UBE3D: variants seen among roughly 807,000 people sequenced by gnomAD.
The protein encoded by UBE3D is E3 ubiquitin-protein ligase E3D.
A neutral mutation model predicts 49.6 loss-of-function variants in UBE3D; 48 were observed. The observed-to-expected ratio is 0.97, with a 90% CI of 0.77 to 1.23. The LOEUF is 1.23. Among genes scored for constraint, UBE3D ranks in the 50% most tolerant of loss-of-function variants. UBE3D has a pLI of 0.00. For missense variants in UBE3D, 452 were observed against 468.4 expected, an observed-to-expected ratio of 0.96 and a Z score of 0.32; for synonymous variants, 189 against 174.2, an observed-to-expected ratio of 1.08 and a Z score of -0.67.
chr6:83,050,975 C>G (rs1474168606), intron 3 of UBE3D, among the ~76,000 whole-genome samples: 3 of 152,176 alleles, frequency 2.0e-5, no homozygotes, highest in Non-Finnish European at 4.4e-5. Flanking sequence ...GAATTCATTT[C>G]CTCGGCACCT....
chr6:82,984,539 C>T (rs1349368260), intron 8 of UBE3D, among the ~76,000 whole-genome samples: 1 of 152,116 alleles, frequency 6.6e-6, no homozygotes, highest in African/African-American at 2.4e-5. Flanking sequence ...CCATTTTTCA[C>T]AGCTTCACCA....
At chr6:82,981,854 T>C (rs1562148182) in intron 8 of UBE3D, among the ~76,000 whole-genome samples, 2 of 152,126 alleles carry the variant, frequency 1.3e-5, no homozygotes, top group Non-Finnish European at 2.9e-5. Flanking sequence ...AAAGTAGTAA[T>C]GTATATACAT....
chr6:82,983,155 G>GTTTTTTTT (rs5877831), intron 8 of UBE3D, among the ~76,000 whole-genome samples: 3 of 134,772 alleles, frequency 2.2e-5, no homozygotes, highest in Non-Finnish European at 3.2e-5. Flanking sequence ...CTGGCTGAAA[G>GTTTTTTTT]TTTTTTTTTT....
chr6:83,007,014 T>A (rs1020188648), intron 8 of UBE3D, among the ~76,000 whole-genome samples: 7 of 152,200 alleles, frequency 4.6e-5, no homozygotes, highest in Non-Finnish European at 1.0e-4. Context: ...AGACAACTAC[T>A]AATACTATTC....
Position 82,969,914 on chromosome 6 carries a change from A to T in UBE3D, c.1011-12464T>A, listed in dbSNP as rs1349374829. Among the ~76,000 whole-genome samples the T allele has an allele frequency of 7.3e-5, 11 of 151,724 alleles. 1 individual carries two copies. Among genetic ancestry groups the T allele is most frequent in the Admixed American group, 7.2e-4 (11 of 15,230 alleles). ...ATATTTGCTTTCCAGATACCAAAACATATAATAAAACTAATGTAATCAAGT... is the reference window on the plus strand; with the variant it reads ...ATATTTGCTTTCCAGATACCAAAACTTATAATAAAACTAATGTAATCAAGT... On this transcript the variant is annotated intron_variant, in intron 8 of 9. Coordinates refer to ENST00000369747, the MANE Select transcript of UBE3D (RefSeq NM_198920.3).
chr6:82,944,716 G>A (rs1383247520), intron 9 of UBE3D, among the ~76,000 whole-genome samples: 2 of 152,232 alleles, frequency 1.3e-5, no homozygotes, highest in African/African-American at 4.8e-5. Flanking sequence ...TCTGTCCTGA[G>A]CCAAAGGGGT....
At chr6:82,950,295 A>G (rs1775693300) in intron 9 of UBE3D, among the ~76,000 whole-genome samples, 1 of 152,352 alleles carries the variant, frequency 6.6e-6, no homozygotes, top group African/African-American at 2.4e-5. Flanking sequence ...AGAGAAATGC[A>G]AATCAAAACT....
At chr6:82,913,504 T>G (rs1415501644) in intron 9 of UBE3D, among the ~76,000 whole-genome samples, 4 of 152,218 alleles carry the variant, frequency 2.6e-5, no homozygotes, top group Non-Finnish European at 5.9e-5. Context: ...ATGACCCACT[T>G]ATTCATTATC....
chr6:82,887,403 T>TTTTTTTG (rs1770906884), downstream of UBE3D, among the ~76,000 whole-genome samples: 2 of 146,762 alleles, frequency 1.4e-5, no homozygotes, highest in Non-Finnish European at 3.0e-5. Flanking sequence ...TTTTTTTTTT[T>TTTTTTTG]TTTTTTTTTC....
chr6:83,022,482 G>C lies in UBE3D; in HGVS notation c.817C>G (p.Gln273Glu). ...SARSTFRFTI[Q>E]GQDDKVYILL... ...ATATACACTTTGTCATCCTGACCTT[G>C]AATCGTGAATCTAAAAGTGCTTCTA... The change falls in exon 7 of 10, where the codon CAA becomes GAA. Residue 273 changes from glutamine to glutamate, a missense_variant. Physicochemically the swap from Gln to Glu is conservative, Grantham distance 29 (BLOSUM62 2). Transcript: ENST00000369747. 1.2e-6 allele frequency: 2 copies of C among 1,604,908 alleles called. No homozygotes were observed. The highest frequency in any genetic ancestry group is 1.3e-5 in the African/African-American group (1 of 74,256).
chr6:82,893,327 C>T (rs1467282774), intron 9 of UBE3D, among the ~76,000 whole-genome samples: 2 of 151,998 alleles, frequency 1.3e-5, no homozygotes, highest in African/African-American at 4.8e-5. Flanking sequence ...TAATCCAGTC[C>T]TCATTTCCAT....
At chr6:82,987,679 T>TAATACTGA (rs1778615519) in intron 8 of UBE3D, among the ~76,000 whole-genome samples, 1 of 152,188 alleles carries the variant, frequency 6.6e-6, no homozygotes, top group South Asian at 2.1e-4. Flanking sequence ...AATTACCTAA[T>TAATACTGA]AATACTGAAG....
chr6:82,888,849 G>T (rs1439262674), downstream of UBE3D, among the ~76,000 whole-genome samples: 1 of 152,100 alleles, frequency 6.6e-6, no homozygotes, highest in Non-Finnish European at 1.5e-5. Flanking sequence ...TAAAACTGGA[G>T]GATTTACCTC....
intron 3 of UBE3D, among the ~76,000 whole-genome samples, chr6:83,048,615 C>A (rs540017580): frequency 6.6e-6 from 1 of 152,226 alleles, no homozygotes; most frequent in Non-Finnish European, 1.5e-5. Context: ...TTAATGTGAC[C>A]ATATATCATG....
At chr6:83,040,395 CTCTCTCTCTATA>C (rs937283853) in intron 4 of UBE3D, among the ~76,000 whole-genome samples, 3 of 88,430 alleles carry the variant, frequency 3.4e-5, no homozygotes, top group African/African-American at 1.1e-4. Context: ...CTCTCTCTCT[CTCTCTCTCTATA>C]TATATATATA....
intron 9 of UBE3D, among the ~76,000 whole-genome samples, chr6:82,905,864 T>C (rs779696996): frequency 5.3e-5 from 8 of 152,150 alleles, no homozygotes; most frequent in Non-Finnish European, 1.0e-4. Context: ...ATATATTCTC[T>C]AGTAAAGATA....
At chr6:82,896,376 T>C (rs548650809) in intron 9 of UBE3D, among the ~76,000 whole-genome samples, 1 of 152,274 alleles carries the variant, frequency 6.6e-6, no homozygotes, top group South Asian at 2.1e-4. Context: ...GGTTGTTATA[T>C]TTCTGGAATA....
Position 83,065,641 on chromosome 6 carries a change from C to A in UBE3D, c.77+1G>T. 1 of 1,613,904 alleles carries A rather than the reference C, an allele frequency of 6.2e-7. No homozygotes were observed. The highest frequency in any genetic ancestry group is 8.5e-7 in the Non-Finnish European group (1 of 1,179,882). ...ACTGCGCCTAGAATCCCAGTTCTTA[C>A]CCCAGGATCAGAAGCGCGCTCTGCA... On this transcript the variant is annotated splice_donor_variant, in intron 1 of 9. Transcript: ENST00000369747. LOFTEE classifies it high-confidence loss of function.
intron 5 of UBE3D, among the ~76,000 whole-genome samples, chr6:83,027,431 T>A (rs1781545750): frequency 9.3e-5 from 1 of 10,790 alleles, no homozygotes; most frequent in Non-Finnish European, 1.9e-4. Context: ...CGAGACTCCG[T>A]CTCAAAAAAA....
Sources: allele counts gnomAD v4.1 joint callset (sites outside exome capture counted in the v4.1 genomes callset), GRCh38; gene constraint gnomAD v4.1.1; transcripts MANE v1.5; gene names NCBI Gene and HGNC (gene_info 2026-07-23, HGNC 2026-07-21).